Variants in PDE9A observed in about 807,000 individuals in gnomAD.
The protein encoded by PDE9A is high affinity cGMP-specific 3',5'-cyclic phosphodiesterase 9A.
Under a neutral mutation model 87.4 loss-of-function variants are expected in PDE9A, and 60 were observed. The observed-to-expected ratio is 0.69, with a 90% CI of 0.56 to 0.85. The LOEUF (loss-of-function observed/expected upper bound fraction) is 0.85. Ranked by LOEUF, PDE9A falls within the 40% of genes least tolerant of loss-of-function variation. The pLI, the probability that PDE9A is intolerant of heterozygous loss-of-function variation, is 0.00. For synonymous variants in PDE9A, 272 were observed against 279.4 expected, an observed-to-expected ratio of 0.97 and a Z score of 0.27; for missense variants, 665 against 779.0, an observed-to-expected ratio of 0.85 and a Z score of 1.74.
At position 42,746,317 on chromosome 21, in the gene PDE9A, C is replaced by T. The variant is rs187261072; in HGVS notation, c.653+2457C>T. On this transcript the variant is annotated intron_variant, in intron 8 of 19. Transcript: ENST00000291539. ...TAACGAATTCTCATAAACTGGGCAG[C>T]TTAAAACAATAGAAATGTATTCCCA... 1.2e-4 allele frequency among the ~76,000 whole-genome samples: 18 copies of T among 152,340 alleles called. No individual in the cohort carries two copies. The East Asian group carries it at 3.3e-3, about 28-fold the overall frequency.
At chr21:42,748,609 C>A (rs970721456) in intron 8 of PDE9A, among the ~76,000 whole-genome samples, 1 of 152,184 alleles carries the variant, frequency 6.6e-6, no homozygotes, top group Non-Finnish European at 1.5e-5. Flanking sequence ...GGGTGCACAC[C>A]GATCATGACA....
chr21:42,769,184 T>C (rs1602581980), intron 17 of PDE9A, 29 bp downstream of exon 17: 2 of 1,606,718 alleles, frequency 1.2e-6, no homozygotes, highest in Admixed American at 3.4e-5. Context: ...ATGTCACACT[T>C]GCTTACACTC....
intron 15 of PDE9A, among the ~76,000 whole-genome samples, chr21:42,766,402 G>A (rs1037478652): frequency 6.6e-6 from 1 of 152,124 alleles, no homozygotes; most frequent in African/African-American, 2.4e-5. Context: ...GTGGAGCCTT[G>A]TCTAAGCATC....
At chr21:42,654,174 C>T (rs374901958) in intron 1 of PDE9A, among the ~76,000 whole-genome samples, 1 of 152,180 alleles carries the variant, frequency 6.6e-6, no homozygotes, top group South Asian at 2.1e-4. Flanking sequence ...AGGGCTGGCA[C>T]ATGAAGCCTT....
chr21:42,684,963 A>G (rs2059366569), intron 1 of PDE9A, among the ~76,000 whole-genome samples: 1 of 148,388 alleles, frequency 6.7e-6, no homozygotes, highest in Admixed American at 6.7e-5. Context: ...GTAAAGAAAA[A>G]AGAAAACTAA....
rs532419050 is a variant in PDE9A at position 42,688,688 on chromosome 21, G to A, written c.218+694G>A. On this transcript the variant is annotated intron_variant, in intron 3 of 19. Coordinates refer to ENST00000291539, the MANE Select transcript of PDE9A (RefSeq NM_002606.3). ...GCGAGGGAGCAGGTGAGCTGGGGGC[G>A]GGGCGTGCGACCTCAGGACCCCTCT... Among the ~76,000 whole-genome samples, 23 of 152,328 alleles carry A rather than the reference G, an allele frequency of 1.5e-4. 1 individual carries two copies. In the East Asian group the frequency reaches 2.9e-3, roughly 19 times the overall value.
chr21:42,748,452 G>T (rs2054094738), intron 8 of PDE9A, among the ~76,000 whole-genome samples: 1 of 152,222 alleles, frequency 6.6e-6, no homozygotes, highest in Admixed American at 6.5e-5. Context: ...CCGTGGAGCG[G>T]TGGTTATCAC....
At chr21:42,699,761 G>A (rs2048239436) in intron 4 of PDE9A, among the ~76,000 whole-genome samples, 1 of 151,968 alleles carries the variant, frequency 6.6e-6, no homozygotes, top group South Asian at 2.1e-4. Flanking sequence ...ATTTTGCCAT[G>A]TTAGCCAGGC....
rs1181286552 is a variant in PDE9A, at chr21:42,723,356, A to G, written c.263-8414A>G. 6.6e-6 allele frequency among the ~76,000 whole-genome samples: 1 copy of G among 152,236 alleles called. No individual in the cohort carries two copies. Among genetic ancestry groups the G allele is most frequent in the African/African-American group, 2.4e-5 (1 of 41,460 alleles). ...GCCAGCCCCGGCCAGCATTCCCTGC[A>G]TGTGCTTATCAAGTGAGGAGGCCAG... On this transcript the variant is annotated intron_variant, in intron 4 of 19. Coordinates refer to ENST00000291539, the MANE Select transcript of PDE9A (RefSeq NM_002606.3). This position sits in a 1 kb window ranked among gnomAD's most constrained non-coding sequence, Gnocchi z 4.3.
rs1372566973 is a variant in PDE9A at position 42,760,910 on chromosome 21, AT to A, written c.1085+4del. ...GACCATCCCGGCTACAACAACACGTATGTACAGGATTTTCTCTTTTTTTCCT... is the reference window on the plus strand; with the variant it reads ...GACCATCCCGGCTACAACAACACGTAGTACAGGATTTTCTCTTTTTTTCCT... On this transcript the variant is annotated splice_donor_region_variant and intron_variant, in intron 13 of 19. Coordinates refer to ENST00000291539, the MANE Select transcript of PDE9A (RefSeq NM_002606.3). The surrounding 1 kb of genome is among the most constrained non-coding windows in gnomAD (Gnocchi z 5.2). 6.3e-7 allele frequency: 1 copy of A among 1,590,698 alleles called. No individual in the cohort carries two copies. The highest frequency in any genetic ancestry group is 8.6e-7 in the Non-Finnish European group (1 of 1,158,776).
intron 4 of PDE9A, among the ~76,000 whole-genome samples, chr21:42,713,545 T>C (rs2049539972): frequency 6.6e-6 from 1 of 152,258 alleles, no homozygotes. Flanking sequence ...GTCTTTGTCA[T>C]GTTTTGATAT....
rs1444216713 is a variant in PDE9A at position 42,699,006 on chromosome 21, T to G, written c.257T>G (p.Leu86Arg). Reference sequence around the variant, plus strand: ...GTGAGACCTGTGGCCATCAAGCAACTCTCCGGTAAGGCCCTGCTGTCGTTT... The same window carrying G: ...GTGAGACCTGTGGCCATCAAGCAACGCTCCGGTAAGGCCCTGCTGTCGTTT... ...YKVRPVAIKQ[L>R]SAGVEDKRTT... is the part of the protein sequence containing the mutation. The change falls in exon 4 of 20, where the codon CTC becomes CGC. Residue 86 changes from leucine to arginine, a missense_variant. By Grantham distance (102) the Leu-to-Arg change is moderately radical. Transcript: ENST00000291539. The G allele has an allele frequency of 9.9e-6, 16 of 1,609,126 alleles. No homozygotes were observed. Among genetic ancestry groups the G allele is most frequent in the Non-Finnish European group, 1.3e-5 (15 of 1,175,590 alleles).
chr21:42,750,819 T>A (rs2146979167), intron 8 of PDE9A, among the ~76,000 whole-genome samples: 1 of 151,992 alleles, frequency 6.6e-6, no homozygotes, highest in South Asian at 2.1e-4. Context: ...TCTCCTGACC[T>A]CATGATCATC....
At chr21:42,710,205 C>T (rs558005049) in intron 4 of PDE9A, among the ~76,000 whole-genome samples, 19 of 152,000 alleles carry the variant, frequency 1.3e-4, no homozygotes, top group African/African-American at 4.3e-4. Flanking sequence ...GTCAGGAGTT[C>T]GAGACCAGCC....
At chr21:42,670,719 A>T (rs1259142993) in intron 1 of PDE9A, among the ~76,000 whole-genome samples, 1 of 151,016 alleles carries the variant, frequency 6.6e-6, no homozygotes, top group African/African-American at 2.5e-5. Flanking sequence ...ACTTACACTC[A>T]CAGTCACATA....
chr21:42,750,427 A>C (rs1040765761), intron 8 of PDE9A, among the ~76,000 whole-genome samples: 4 of 152,128 alleles, frequency 2.6e-5, no homozygotes, highest in African/African-American at 9.7e-5. Flanking sequence ...TTAGGGAAAT[A>C]AATGGGTAAA....
At chr21:42,699,840 T>C (rs1484865418) in intron 4 of PDE9A, among the ~76,000 whole-genome samples, 1 of 152,218 alleles carries the variant, frequency 6.6e-6, no homozygotes, top group African/African-American at 2.4e-5. Flanking sequence ...ATTACAGGCG[T>C]GAGCCACAGC....
intron 9 of PDE9A, 62 bp downstream of exon 9, chr21:42,751,259 T>TGGGC: frequency 4.9e-6 from 6 of 1,219,218 alleles, no homozygotes; most frequent in African/African-American, 1.5e-5. Flanking sequence ...CGCCCAGCCC[T>TGGGC]GTGGCCCTGC....
intron 1 of PDE9A, among the ~76,000 whole-genome samples, chr21:42,662,622 C>A (rs527738759): frequency 3.6e-4 from 50 of 138,194 alleles, no homozygotes; most frequent in Admixed American, 2.5e-3. Context: ...ACCACACACA[C>A]CACACACCAC....
Sources: allele counts gnomAD v4.1 joint callset (sites outside exome capture counted in the v4.1 genomes callset), GRCh38; gene constraint gnomAD v4.1.1; non-coding constraint Gnocchi (gnomAD v3.1); transcripts MANE v1.5; gene names NCBI Gene and HGNC (gene_info 2026-07-23, HGNC 2026-07-21).